Variants in GALNT13 observed in about 807,000 individuals in gnomAD.
The protein encoded by GALNT13 is polypeptide N-acetylgalactosaminyltransferase 13.
In GALNT13, 28 loss-of-function variants were observed where a neutral mutation model predicts 64.2. The ratio of observed to expected loss-of-function variants is 0.44; its 90% CI spans 0.32 to 0.60. The LOEUF (loss-of-function observed/expected upper bound fraction) is 0.60, where lower values mean the gene tolerates loss of function less well. Among genes scored for constraint, GALNT13 ranks in the 20% least tolerant of loss-of-function variants. The pLI is 0.05. For synonymous variants in GALNT13, 214 were observed against 224.6 expected, an observed-to-expected ratio of 0.95 and a Z score of 0.42; for missense variants, 577 against 669.8, an observed-to-expected ratio of 0.86 and a Z score of 1.53.
chr2:153,724,477 C>G, the GALNT13 span, among the ~76,000 whole-genome samples: 5 of 103,730 alleles, frequency 4.8e-5, no homozygotes, highest in Admixed American at 1.0e-4. Context: ...AACTAAAGAG[C>G]TTCTGCACAG....
At chr2:153,313,206 A>G in the GALNT13 span, among the ~76,000 whole-genome samples, 1 of 152,232 alleles carries the variant, frequency 6.6e-6, no homozygotes, top group African/African-American at 2.4e-5. Context: ...TCAAAGGAAT[A>G]TAAATCATTC....
chr2:154,443,701 A>G (rs371593720), intron 12 of GALNT13, among the ~76,000 whole-genome samples: 1 of 152,070 alleles, frequency 6.6e-6, no homozygotes, highest in East Asian at 1.9e-4. Flanking sequence ...GCCTGATTCC[A>G]GTTGGCTTTA....
chr2:153,089,756 GA>G, the GALNT13 span, among the ~76,000 whole-genome samples: 1 of 151,932 alleles, frequency 6.6e-6, no homozygotes, highest in African/African-American at 2.4e-5. Context: ...GTACTTCTCT[GA>G]GTGTGTTTTT....
chr2:153,745,805 G>A, the GALNT13 span, among the ~76,000 whole-genome samples: 1 of 152,068 alleles, frequency 6.6e-6, no homozygotes, highest in African/African-American at 2.4e-5. Context: ...ACTGCAGCCT[G>A]GACTTCCTGG....
At chr2:154,200,362 G>T (rs1398607119) in intron 4 of GALNT13, among the ~76,000 whole-genome samples, 1 of 151,990 alleles carries the variant, frequency 6.6e-6, no homozygotes, top group African/African-American at 2.4e-5. Context: ...ACTGTGGTCT[G>T]GTAAGAGTAT....
chr2:154,316,597 G>C (rs1480973648), intron 9 of GALNT13, among the ~76,000 whole-genome samples: 2 of 152,130 alleles, frequency 1.3e-5, no homozygotes, highest in Non-Finnish European at 2.9e-5. Flanking sequence ...TTAGCTCAGG[G>C]TTATGGAGAT....
the GALNT13 span, among the ~76,000 whole-genome samples, chr2:153,568,227 T>C: frequency 6.6e-6 from 1 of 150,928 alleles, no homozygotes; most frequent in Non-Finnish European, 1.5e-5. Flanking sequence ...TATTTTTTAT[T>C]TGTTTGTTTT....
intron 9 of GALNT13, among the ~76,000 whole-genome samples, chr2:154,390,476 G>A (rs1698736595): frequency 6.6e-6 from 1 of 152,112 alleles, no homozygotes; most frequent in African/African-American, 2.4e-5. Flanking sequence ...GAGAGCACGT[G>A]GTATGTGGTT....
At chr2:154,298,726 T>TACATTGTATATACA (rs1693206359) in intron 8 of GALNT13, among the ~76,000 whole-genome samples, 1 of 58,882 alleles carries the variant, frequency 1.7e-5, no homozygotes, top group African/African-American at 7.0e-5. Flanking sequence ...TAAATTATAT[T>TACATTGTATATACA]ATTTATATAT....
the GALNT13 span, among the ~76,000 whole-genome samples, chr2:153,403,217 G>C: frequency 6.7e-6 from 1 of 150,012 alleles, no homozygotes; most frequent in East Asian, 2.0e-4. Context: ...CCTGCTGGGG[G>C]GTGCCTCCCG....
At chr2:154,240,935 C>A (rs910517164) in intron 4 of GALNT13, among the ~76,000 whole-genome samples, 1 of 152,154 alleles carries the variant, frequency 6.6e-6, no homozygotes, top group African/African-American at 2.4e-5. Context: ...AGCACCTCAG[C>A]GGCCTGGGCT....
chr2:154,124,618 T>A (rs1451505053), intron 3 of GALNT13, among the ~76,000 whole-genome samples: 10 of 152,072 alleles, frequency 6.6e-5, no homozygotes, highest in Admixed American at 1.3e-4. Flanking sequence ...TACACTATTC[T>A]TGTAATATTA....
At chr2:154,127,610 C>G (rs1030196310) in intron 3 of GALNT13, among the ~76,000 whole-genome samples, 1 of 150,934 alleles carries the variant, frequency 6.6e-6, no homozygotes, top group African/African-American at 2.4e-5. Context: ...ATATTTTAGA[C>G]CTTCTAAAAA....
chr2:154,455,240 T>C (rs1041437960), downstream of GALNT13, among the ~76,000 whole-genome samples: 2 of 152,200 alleles, frequency 1.3e-5, no homozygotes, highest in Non-Finnish European at 1.5e-5. Flanking sequence ...CCACCGCACA[T>C]GGTTTCACCA....
chr2:153,532,806 G>A, the GALNT13 span, among the ~76,000 whole-genome samples: 1 of 152,184 alleles, frequency 6.6e-6, no homozygotes, highest in East Asian at 1.9e-4. Flanking sequence ...GATCCCTAGA[G>A]TGGGGGCACA....
At chr2:154,088,215 T>C (rs1701629211) in intron 3 of GALNT13, among the ~76,000 whole-genome samples, 1 of 152,146 alleles carries the variant, frequency 6.6e-6, no homozygotes, top group Admixed American at 6.6e-5. Context: ...ATTTCTTCTG[T>C]TACATTCCAA....
At chr2:153,701,077 CT>C in the GALNT13 span, among the ~76,000 whole-genome samples, 2 of 152,140 alleles carry the variant, frequency 1.3e-5, no homozygotes, top group African/African-American at 2.4e-5. Flanking sequence ...AGGCATCATG[CT>C]GTCTCACTTC....
At chr2:153,793,340 G>T in the GALNT13 span, among the ~76,000 whole-genome samples, 1 of 152,062 alleles carries the variant, frequency 6.6e-6, no homozygotes, top group African/African-American at 2.4e-5. Context: ...TTTGTGTTAA[G>T]CTATGCATTT....
intron 3 of GALNT13, among the ~76,000 whole-genome samples, chr2:154,111,489 CA>C (rs1462330915): frequency 2.0e-5 from 3 of 152,286 alleles, no homozygotes; most frequent in Non-Finnish European, 4.4e-5. Flanking sequence ...AGGAGGAGCC[CA>C]AAGTGTCCAG....
Sources: gnomAD v4.1 joint callset for allele counts (sites outside exome capture counted in the v4.1 genomes callset) on GRCh38, gnomAD v4.1.1 for gene constraint, MANE v1.5 for transcripts, NCBI Gene and HGNC (gene_info 2026-07-23, HGNC 2026-07-21) for gene names.